Variants in PARVB observed in about 807,000 individuals in gnomAD.
PARVB encodes the protein parvin beta, also known as beta-parvin.
A neutral mutation model predicts 47.0 loss-of-function variants in PARVB; 46 were observed. That is an observed-to-expected ratio of 0.98 (90% CI 0.77 to 1.25). The LOEUF is 1.25. Among genes scored for constraint, PARVB ranks in the 50% most tolerant of loss-of-function variants. The pLI, the probability that PARVB is intolerant of heterozygous loss-of-function variation, is 0.00. For synonymous variants in PARVB, 196 were observed against 196.3 expected (o/e 1.00, Z 0.01); for missense variants, 473 against 471.6 (o/e 1.00, Z -0.03).
chr22:44,085,313 T>C (rs1286017684), intron 1 of PARVB, among the ~76,000 whole-genome samples: 1 of 152,156 alleles, frequency 6.6e-6, no homozygotes, highest in Non-Finnish European at 1.5e-5. Flanking sequence ...TTTTTCTTTT[T>C]CTTTTTAATT....
chr22:44,152,149 T>G (rs1003287279), intron 10 of PARVB: 15 of 150,018 alleles, frequency 1.0e-4, no homozygotes, highest in African/African-American at 3.4e-4. Flanking sequence ...TCCTTTTTCT[T>G]TCTTTTTTTT....
At chr22:44,026,511 TCTC>T (rs921605921) in intron 1 of PARVB, 1 of 195,270 alleles carries the variant, frequency 5.1e-6, no homozygotes, top group African/African-American at 2.4e-5. Context: ...TTCTGTGTGG[TCTC>T]CTGGGAAGTG....
intron 4 of PARVB, among the ~76,000 whole-genome samples, chr22:44,126,953 C>T (rs133909): frequency 0.48 from 72,472 of 152,030 alleles, 19,962 homozygotes; most frequent in African/African-American, 0.77. Context: ...TTCTATAGAG[C>T]AGAATTACAG....
rs2053156767 is a variant in PARVB at position 44,125,008 on chromosome 22, T to C, written c.376+5868T>C. ...AGTTTGCACACTCTGCACAAATGGC[T>C]CTTACAGACCAGCTCTTGGAGGGAA... On this transcript the variant is annotated intron_variant, in intron 4 of 12. Transcript: ENST00000338758. This position sits in a 1 kb window ranked among gnomAD's most constrained non-coding sequence, Gnocchi z 4.1. Among the ~76,000 whole-genome samples, 3 of 151,526 alleles carry C rather than the reference T, an allele frequency of 2.0e-5. No homozygotes were observed. Among genetic ancestry groups the C allele is most frequent in the Admixed American group, 2.0e-4 (3 of 15,230 alleles).
At chr22:44,041,912 C>A (rs907218460) in intron 1 of PARVB, among the ~76,000 whole-genome samples, 1 of 151,534 alleles carries the variant, frequency 6.6e-6, no homozygotes, top group East Asian at 2.0e-4. Flanking sequence ...TAAATACATA[C>A]ATACATTCAT....
In PARVB at chr22:44,168,738, C is replaced by A; in HGVS notation, c.*60C>A. The A allele has an allele frequency of 1.7e-6, 2 of 1,205,702 alleles. No homozygotes were observed. The highest frequency in any genetic ancestry group is 2.5e-6 in the Non-Finnish European group (2 of 809,642). 74.7% of individuals were successfully genotyped at this position (1,205,702 alleles called of 1,614,324 possible). A position where few individuals can be genotyped will look rare whatever the true frequency, so the allele number is the denominator to read the frequency against. On this transcript the variant is annotated 3_prime_UTR_variant, in exon 13 of 13. Transcript: ENST00000338758. The stretch of plus-strand genomic sequence containing the variant: ...GCAAGAAAGGCGGCATCCGTCTGTG[C>A]CCTGTGCCTTTCCAGGGAGCCAGGC...
chr22:44,052,924 C>T (rs2146941510), intron 1 of PARVB, among the ~76,000 whole-genome samples: 1 of 152,146 alleles, frequency 6.6e-6, no homozygotes, highest in African/African-American at 2.4e-5. Flanking sequence ...GCCTGGGAGA[C>T]AGAGCAAAGC....
intron 1 of PARVB, among the ~76,000 whole-genome samples, chr22:44,081,832 C>T (rs1380180122): frequency 3.3e-5 from 5 of 152,144 alleles, no homozygotes; most frequent in Admixed American, 6.6e-5. Context: ...TCACACCCTG[C>T]CCCCACCTTC....
intron 1 of PARVB, among the ~76,000 whole-genome samples, chr22:44,055,656 A>ATCTCTCTCTC (rs3083345): frequency 6.7e-6 from 1 of 148,286 alleles, no homozygotes; most frequent in African/African-American, 2.5e-5. Context: ...GTCTCTATCC[A>ATCTCTCTCTC]TCTCTCTCTC....
At chr22:44,010,353 A>G (rs1023663128) in intron 2 of PARVB, 1 of 152,208 alleles carries the variant, frequency 6.6e-6, no homozygotes, top group African/African-American at 2.4e-5. Flanking sequence ...TTCCCCTGCC[A>G]GGGTGTCTCA....
chr22:44,061,456 CAAAA>C lies in PARVB; in HGVS notation c.113-32471_113-32468del, dbSNP rs1312186250. Among the ~76,000 whole-genome samples the C allele has an allele frequency of 2.0e-4, 30 of 151,666 alleles. No individual in the cohort carries two copies. In the South Asian group the frequency reaches 2.7e-3, roughly 14 times the overall value. The stretch of plus-strand genomic sequence containing the variant: ...AAAAACAAAACAAAACAAAACAAAA[CAAAA>C]CAAACCAAAACAGTGAAGTCACCAA... On this transcript the variant is annotated intron_variant, in intron 1 of 12. Coordinates refer to ENST00000338758, the MANE Select transcript of PARVB (RefSeq NM_013327.5).
intron 1 of PARVB, among the ~76,000 whole-genome samples, chr22:44,026,772 T>G: frequency 7.2e-6 from 1 of 139,124 alleles, no homozygotes; most frequent in Non-Finnish European, 1.5e-5. Flanking sequence ...AAGTTGAGGG[T>G]GGATTTGGGA....
intron 4 of PARVB, among the ~76,000 whole-genome samples, chr22:44,121,121 G>A (rs943048341): frequency 3.3e-5 from 5 of 152,142 alleles, no homozygotes; most frequent in African/African-American, 9.7e-5. Context: ...GATTACAGGT[G>A]TGAGCCACTG....
chr22:44,119,151 A>T lies in PARVB; in HGVS notation c.376+11A>T. ...TGCAGAAGCTCTTGGGTGAGTTCAC[A>T]GCAGGGACAGCTCTGTCCCACCCCC... On this transcript the variant is annotated intron_variant, in intron 4 of 12. Coordinates refer to ENST00000338758, the MANE Select transcript of PARVB (RefSeq NM_013327.5). The T allele has an allele frequency of 1.3e-6, 2 of 1,579,558 alleles. No individual in the cohort carries two copies. The highest frequency in any genetic ancestry group is 1.7e-6 in the Non-Finnish European group (2 of 1,148,774).
Position 44,155,301 on chromosome 22 carries a change from G to A in PARVB, c.844-2681G>A, listed in dbSNP as rs2053907576. Among the ~76,000 whole-genome samples, 1 of 152,102 alleles carries A rather than the reference G, an allele frequency of 6.6e-6. No homozygotes were observed. Among genetic ancestry groups the A allele is most frequent in the South Asian group, 2.1e-4 (1 of 4,824 alleles). On this transcript the variant is annotated intron_variant, in intron 10 of 12. Coordinates refer to ENST00000338758, the MANE Select transcript of PARVB (RefSeq NM_013327.5). This position sits in a 1 kb window ranked among gnomAD's most constrained non-coding sequence, Gnocchi z 4.8. ...GGGTTAGCACTGCGGATGAGGAGGC[G>A]GTGGTGGGGCCTCTGGGCCTCCGTG... is the stretch of plus-strand genomic sequence containing the variant.
rs1199780258 is a variant in PARVB at position 44,125,597 on chromosome 22, G to A, written c.377-5890G>A. Among the ~76,000 whole-genome samples, 1 of 152,192 alleles carries A rather than the reference G, an allele frequency of 6.6e-6. No individual in the cohort carries two copies. The highest frequency in any genetic ancestry group is 1.5e-5 in the Non-Finnish European group (1 of 68,032). ...GCTCTAAAGCGAGAAAGAGCCTGTT[G>A]TGTTGGAGGAGCAGTGAAAAGAAGC... On this transcript the variant is annotated intron_variant, in intron 4 of 12. Transcript: ENST00000338758. This position sits in a 1 kb window ranked among gnomAD's most constrained non-coding sequence, Gnocchi z 4.1.
At position 44,152,894 on chromosome 22, in the gene PARVB, T is replaced by A. The variant is rs116533060; in HGVS notation, c.843+1343T>A. 5.4e-3 allele frequency: 819 copies of A among 152,298 alleles called. 12 individuals are homozygous for A. Among genetic ancestry groups the A allele is most frequent in the African/African-American group, 0.019 (774 of 41,548 alleles). The allele number at this position is 152,298 out of a possible 1,614,324, so 9.4% of individuals were successfully genotyped here. A position where few individuals can be genotyped will look rare whatever the true frequency, so the allele number is the denominator to read the frequency against. On this transcript the variant is annotated intron_variant, in intron 10 of 12. Transcript: ENST00000338758. The stretch of plus-strand genomic sequence containing the variant: ...TTCTTTAACTTTCCTCATTTGCTTT[T>A]CTAATTAAAAAACTAATTCAGGTTC...
Position 44,024,381 on chromosome 22 carries a change from G to A in PARVB, c.42G>A (p.Arg14=). The A allele has an allele frequency of 8.1e-7, 1 of 1,237,036 alleles. No individual in the cohort carries two copies. The highest frequency in any genetic ancestry group is 1.0e-6 in the Non-Finnish European group (1 of 975,152). The allele number at this position is 1,237,036 out of a possible 1,614,324, so 76.6% of individuals were successfully genotyped here. A position where few individuals can be genotyped will look rare whatever the true frequency, so the allele number is the denominator to read the frequency against. The change falls in exon 1 of 13, where the codon AGG becomes AGA. Residue 14 remains arginine, a synonymous_variant. Transcript: ENST00000338758. ...GCTCGCCCACCCCGCGGCCCCGCAG[G>A]ATGAAGAAGGACGAGTCGTTCCTGG... ...APRSPTPRPR[R]MKKDESFLGK... is the part of the protein sequence containing the mutation.
At chr22:44,124,549 G>A (rs1408940847) in intron 4 of PARVB, among the ~76,000 whole-genome samples, 4 of 147,538 alleles carry the variant, frequency 2.7e-5, no homozygotes, top group African/African-American at 1.0e-4. Flanking sequence ...GGGTCTCCCT[G>A]GGGGCTGTCC....
Sources: allele counts gnomAD v4.1 joint callset (sites outside exome capture counted in the v4.1 genomes callset), GRCh38; gene constraint gnomAD v4.1.1; non-coding constraint Gnocchi (gnomAD v3.1); transcripts MANE v1.5; gene names NCBI Gene and HGNC (gene_info 2026-07-23, HGNC 2026-07-21).